Variants in ADGRL3 observed in about 807,000 individuals in gnomAD.
ADGRL3 encodes the protein adhesion G protein-coupled receptor L3, also known as calcium-independent alpha-latrotoxin receptor 3.
A neutral mutation model predicts 153.5 loss-of-function variants in ADGRL3; 62 were observed. The ratio of observed to expected loss-of-function variants is 0.40; its 90% CI spans 0.33 to 0.50. The LOEUF is 0.50. Ranked by LOEUF, ADGRL3 falls within the 20% of genes least tolerant of loss-of-function variation. The pLI, the probability that ADGRL3 is intolerant of heterozygous loss-of-function variation, is 0.47. For missense variants in ADGRL3, 1,641 were observed against 1,859.4 expected, an observed-to-expected ratio of 0.88 and a Z score of 2.16; for synonymous variants, 710 against 672.5, an observed-to-expected ratio of 1.06 and a Z score of -0.86.
At chr4:61,846,922 A>G (rs1021793285) in intron 9 of ADGRL3, among the ~76,000 whole-genome samples, 1 of 146,070 alleles carries the variant, frequency 6.8e-6, no homozygotes, top group Admixed American at 6.9e-5. Context: ...CGACAGCACC[A>G]AGCCGTGAGG....
chr4:61,861,435 G>A (rs1247156802), intron 9 of ADGRL3, among the ~76,000 whole-genome samples: 1 of 152,046 alleles, frequency 6.6e-6, no homozygotes, highest in Non-Finnish European at 1.5e-5. Flanking sequence ...GAATTAATGG[G>A]TTGGAAAATT....
intron 5 of ADGRL3, among the ~76,000 whole-genome samples, chr4:61,612,069 A>G (rs1310962629): frequency 6.6e-6 from 1 of 152,160 alleles, no homozygotes; most frequent in Non-Finnish European, 1.5e-5. Flanking sequence ...AGTTGAAAAC[A>G]TAAAATAGGA....
intron 9 of ADGRL3, among the ~76,000 whole-genome samples, chr4:61,851,481 T>C (rs1234146260): frequency 6.7e-6 from 1 of 149,558 alleles, no homozygotes; most frequent in Non-Finnish European, 1.5e-5. Flanking sequence ...CCCAGCTACT[T>C]GAGAAGCTGA....
At chr4:61,576,669 T>G (rs539487277) in intron 4 of ADGRL3, among the ~76,000 whole-genome samples, 1 of 150,982 alleles carries the variant, frequency 6.6e-6, no homozygotes, top group Admixed American at 6.7e-5. Context: ...AAATAAAGAA[T>G]AATCATTTGA....
At chr4:61,433,357 T>C (rs2097399060) in intron 2 of ADGRL3, among the ~76,000 whole-genome samples, 1 of 56,866 alleles carries the variant, frequency 1.8e-5, no homozygotes, top group Admixed American at 1.8e-4. Context: ...TGTGAATAGC[T>C]TTTTTTTTAA....
At chr4:61,549,380 A>T (rs1328550880) in intron 4 of ADGRL3, among the ~76,000 whole-genome samples, 1 of 152,048 alleles carries the variant, frequency 6.6e-6, no homozygotes, top group Non-Finnish European at 1.5e-5. Flanking sequence ...GAGAGAGGGC[A>T]TCTTTGTCTT....
intron 6 of ADGRL3, among the ~76,000 whole-genome samples, chr4:61,725,779 G>A (rs1049404433): frequency 6.6e-6 from 1 of 152,102 alleles, no homozygotes; most frequent in African/African-American, 2.4e-5. Context: ...TGGAGAGCAA[G>A]AGTACAACAA....
chr4:61,344,726 A>G (rs2095867190), intron 1 of ADGRL3, among the ~76,000 whole-genome samples: 1 of 152,128 alleles, frequency 6.6e-6, no homozygotes, highest in African/African-American at 2.4e-5. Context: ...TCATAGCTCT[A>G]TAGATTGCAT....
chr4:61,538,669 C>T (rs1308030859), intron 4 of ADGRL3, among the ~76,000 whole-genome samples: 1 of 151,984 alleles, frequency 6.6e-6, no homozygotes, highest in Non-Finnish European at 1.5e-5. Flanking sequence ...CTCGAACTCC[C>T]TACCTCTGGT....
intron 1 of ADGRL3, among the ~76,000 whole-genome samples, chr4:61,295,038 A>C (rs771148850): frequency 4.6e-5 from 7 of 152,124 alleles, no homozygotes; most frequent in Non-Finnish European, 7.4e-5. Flanking sequence ...TAAACAATTC[A>C]TATGTTTTAA....
Position 62,076,732 on chromosome 4 carries a change from CA to C in ADGRL3, c.*5825del, listed in dbSNP as rs2151954546. The C allele has an allele frequency of 3.3e-5, 5 of 151,946 alleles. No individual in the cohort carries two copies. In the South Asian group the frequency reaches 1.0e-3, roughly 31 times the overall value. 9.4% of individuals were successfully genotyped at this position (151,946 alleles called of 1,614,324 possible). On this transcript the variant is annotated 3_prime_UTR_variant, in exon 27 of 27. Transcript: ENST00000683033. The stretch of plus-strand genomic sequence containing the variant: ...CTAGCTATACCTTGTCTCAAGGAAA[CA>C]TCAATATTTTATAAATGTTTCTTAA...
In ADGRL3 at chr4:61,488,772, T is replaced by C. The variant is rs558853406; in HGVS notation, c.-173-8349T>C. ...TAATTTAAATCACATGCTGGACTTA[T>C]AGGTCATTGTGAACTCCCACCATAC... On this transcript the variant is annotated intron_variant, in intron 2 of 26. Coordinates refer to ENST00000683033, the MANE Select transcript of ADGRL3 (RefSeq NM_001387552.1). Among the ~76,000 whole-genome samples, 7 of 152,146 alleles carry C rather than the reference T, an allele frequency of 4.6e-5. No homozygotes were observed. The South Asian group carries it at 8.3e-4, about 18-fold the overall frequency.
At chr4:61,420,617 A>G (rs1217201845) in intron 2 of ADGRL3, 1 of 151,682 alleles carries the variant, frequency 6.6e-6, no homozygotes, top group Admixed American at 6.6e-5. Context: ...CGTGTTAGCC[A>G]GGATGGTCTC....
In ADGRL3 at chr4:61,224,636, C is replaced by T. The variant is rs1056599194; in HGVS notation, c.-240+22871C>T. On this transcript the variant is annotated intron_variant, in intron 1 of 26. Transcript: ENST00000683033. ...AATTCATAGTGGTCACTTAGAGGTG[C>T]AGACATGAACACACAACTGCTTGCT... Among the ~76,000 whole-genome samples, 4 of 152,172 alleles carry T rather than the reference C, an allele frequency of 2.6e-5. No individual in the cohort carries two copies. In the East Asian group the frequency reaches 7.7e-4, roughly 29 times the overall value.
intron 5 of ADGRL3, among the ~76,000 whole-genome samples, chr4:61,604,502 T>C (rs1467929771): frequency 2.6e-5 from 4 of 152,220 alleles, no homozygotes; most frequent in African/African-American, 9.6e-5. Flanking sequence ...TATTTAACAT[T>C]GTATAATATG....
chr4:61,770,713 G>A (rs1173278056), intron 8 of ADGRL3, among the ~76,000 whole-genome samples: 1 of 152,128 alleles, frequency 6.6e-6, no homozygotes, highest in Non-Finnish European at 1.5e-5. Context: ...TCAGAAAACT[G>A]TGTTGCAGCT....
At chr4:61,384,334 C>T (rs2096710031) in intron 2 of ADGRL3, among the ~76,000 whole-genome samples, 1 of 151,770 alleles carries the variant, frequency 6.6e-6, no homozygotes, top group Non-Finnish European at 1.5e-5. Flanking sequence ...TTTTCTTCTT[C>T]ACACTCAGTC....
At chr4:61,201,862 C>T (rs879378) in intron 1 of ADGRL3, 97 bp downstream of exon 1, 54,954 of 152,960 alleles carry the variant, frequency 0.36, 10,784 homozygotes, top group Non-Finnish European at 0.44. Context: ...GTGCGGGGTG[C>T]ATGCACACTC....
intron 8 of ADGRL3, among the ~76,000 whole-genome samples, chr4:61,739,372 A>T (rs1162669396): frequency 6.6e-6 from 1 of 151,674 alleles, no homozygotes; most frequent in Non-Finnish European, 1.5e-5. Context: ...AGTGCCACAC[A>T]GTCTCGGCTA....
Sources: allele counts gnomAD v4.1 joint callset (sites outside exome capture counted in the v4.1 genomes callset), GRCh38; gene constraint gnomAD v4.1.1; transcripts MANE v1.5; gene names NCBI Gene and HGNC (gene_info 2026-07-23, HGNC 2026-07-21).